IMMP2L: variants seen among roughly 807,000 people sequenced by gnomAD.
IMMP2L encodes the protein mitochondrial inner membrane protease subunit 2.
Under a neutral mutation model 19.3 loss-of-function variants are expected in IMMP2L, and 18 were observed. The observed-to-expected ratio is 0.93, with a 90% CI of 0.64 to 1.38. The LOEUF is 1.38. IMMP2L is among the 40% of genes most tolerant of loss of function. The pLI, the probability that IMMP2L is intolerant of heterozygous loss-of-function variation, is 0.00. For synonymous variants in IMMP2L, 76 were observed against 73.0 expected (o/e 1.04, Z -0.21); for missense variants, 233 against 218.2 (o/e 1.07, Z -0.43).
At chr7:111,377,340 C>T (rs1830767932) in intron 3 of IMMP2L, among the ~76,000 whole-genome samples, 1 of 151,756 alleles carries the variant, frequency 6.6e-6, no homozygotes, top group Non-Finnish European at 1.5e-5. Flanking sequence ...GTATAGTATC[C>T]TTCTATAGTA....
intron 5 of IMMP2L, among the ~76,000 whole-genome samples, chr7:110,804,110 CTA>C (rs1372123471): frequency 6.6e-6 from 1 of 151,976 alleles, no homozygotes; most frequent in Non-Finnish European, 1.5e-5. Context: ...TGTAAACACT[CTA>C]AAAAGAAATG....
chr7:111,242,844 T>C (rs766769964), intron 3 of IMMP2L, among the ~76,000 whole-genome samples: 3 of 152,032 alleles, frequency 2.0e-5, no homozygotes, highest in Non-Finnish European at 4.4e-5. Flanking sequence ...CTCAACTAAT[T>C]AAGATTTTGG....
intron 3 of IMMP2L, among the ~76,000 whole-genome samples, chr7:111,272,908 G>C (rs1818621662): frequency 1.3e-5 from 2 of 152,126 alleles, no homozygotes; most frequent in Admixed American, 1.3e-4. Context: ...TTAGCTAACT[G>C]ATCTAGATGT....
In IMMP2L at chr7:110,942,694, T is replaced by G. The variant is rs1387782893; in HGVS notation, c.305+20806A>C. ...CCACCAAGAAATCCAAAACCAACATTTGGCATGAGCAGATTTTTGTTCTTC... is the reference window on the plus strand; with the variant it reads ...CCACCAAGAAATCCAAAACCAACATGTGGCATGAGCAGATTTTTGTTCTTC... On this transcript the variant is annotated intron_variant, in intron 4 of 5. Transcript: ENST00000405709. Among the ~76,000 whole-genome samples, 4 of 151,722 alleles carry G rather than the reference T, an allele frequency of 2.6e-5. No homozygotes were observed. In the East Asian group the frequency reaches 5.8e-4, roughly 22 times the overall value.
chr7:110,874,294 C>T (rs1349266402), intron 5 of IMMP2L, among the ~76,000 whole-genome samples: 1 of 152,104 alleles, frequency 6.6e-6, no homozygotes, highest in South Asian at 2.1e-4. Context: ...AATAATATAT[C>T]AATTTTGGGT....
At chr7:110,681,221 G>A (rs1165058246) in intron 5 of IMMP2L, among the ~76,000 whole-genome samples, 3 of 152,082 alleles carry the variant, frequency 2.0e-5, no homozygotes, top group Non-Finnish European at 4.4e-5. Flanking sequence ...CACTCAGTTA[G>A]CTAGAGATGG....
intron 3 of IMMP2L, among the ~76,000 whole-genome samples, chr7:111,385,625 G>A (rs574093963): frequency 6.6e-6 from 1 of 152,180 alleles, no homozygotes; most frequent in Non-Finnish European, 1.5e-5. Context: ...CAGATGTCCT[G>A]AGTGGTTCAT....
chr7:110,908,919 T>C (rs769139631), intron 4 of IMMP2L, among the ~76,000 whole-genome samples: 9 of 152,196 alleles, frequency 5.9e-5, no homozygotes, highest in Non-Finnish European at 1.0e-4. Flanking sequence ...TTAAATTTAG[T>C]AGGAAAGATA....
intron 3 of IMMP2L, among the ~76,000 whole-genome samples, chr7:111,074,001 T>TA: frequency 6.6e-6 from 1 of 152,320 alleles, no homozygotes; most frequent in Non-Finnish European, 1.5e-5. Context: ...CAAGCTCTAA[T>TA]ATCTGACCAT....
chr7:110,878,491 T>C (rs2129544638), intron 5 of IMMP2L, among the ~76,000 whole-genome samples: 1 of 152,204 alleles, frequency 6.6e-6, no homozygotes, highest in African/African-American at 2.4e-5. Context: ...CAAAAAATCT[T>C]TTGGAAAGAC....
At chr7:111,546,094 C>G (rs910313132) in intron 1 of IMMP2L, among the ~76,000 whole-genome samples, 1 of 151,976 alleles carries the variant, frequency 6.6e-6, no homozygotes, top group Admixed American at 6.6e-5. Context: ...ATTATATATA[C>G]TATAATTTAT....
At chr7:111,145,131 A>T (rs1195494603) in intron 3 of IMMP2L, among the ~76,000 whole-genome samples, 2 of 152,096 alleles carry the variant, frequency 1.3e-5, no homozygotes, top group African/African-American at 4.8e-5. Context: ...TGGCTGGAGG[A>T]GAGGAAACTA....
intron 5 of IMMP2L, among the ~76,000 whole-genome samples, chr7:110,700,977 C>A (rs1794245755): frequency 6.6e-6 from 1 of 152,022 alleles, no homozygotes; most frequent in African/African-American, 2.4e-5. Flanking sequence ...TTTGCAACAG[C>A]TTTTTCAAAA....
chr7:111,521,656 A>C (rs926644411), intron 1 of IMMP2L, among the ~76,000 whole-genome samples: 1 of 152,166 alleles, frequency 6.6e-6, no homozygotes. Flanking sequence ...ATGCTTTTCC[A>C]CAACTCAAGT....
At chr7:111,057,692 A>T (rs1324184470) in intron 3 of IMMP2L, among the ~76,000 whole-genome samples, 7 of 152,230 alleles carry the variant, frequency 4.6e-5, no homozygotes, top group African/African-American at 1.4e-4. Context: ...TATGAGGAAT[A>T]GGCCTAACCC....
At chr7:111,406,347 C>A (rs1833900665) in intron 3 of IMMP2L, among the ~76,000 whole-genome samples, 1 of 152,032 alleles carries the variant, frequency 6.6e-6, no homozygotes, top group South Asian at 2.1e-4. Context: ...TCCAATGCTA[C>A]CACCCTAACT....
At chr7:111,010,914 T>C (rs1308233162) in intron 3 of IMMP2L, among the ~76,000 whole-genome samples, 3 of 150,744 alleles carry the variant, frequency 2.0e-5, no homozygotes, top group African/African-American at 7.3e-5. Flanking sequence ...CAAAGTTTAC[T>C]GCTTAATGAG....
intron 5 of IMMP2L, among the ~76,000 whole-genome samples, chr7:110,695,693 C>T (rs2130587282): frequency 1.3e-5 from 2 of 152,222 alleles, no homozygotes; most frequent in East Asian, 3.9e-4. Flanking sequence ...CAGCCCAAAC[C>T]TCAGGGCAGC....
At chr7:111,145,339 T>C (rs189143740) in intron 3 of IMMP2L, among the ~76,000 whole-genome samples, 227 of 152,190 alleles carry the variant, frequency 1.5e-3, no homozygotes, top group African/African-American at 5.1e-3. Flanking sequence ...TACTTGTCAC[T>C]GTATAGGCTG....
Sources: gnomAD v4.1 joint callset for allele counts (sites outside exome capture counted in the v4.1 genomes callset) on GRCh38, gnomAD v4.1.1 for gene constraint, MANE v1.5 for transcripts, NCBI Gene and HGNC (gene_info 2026-07-23, HGNC 2026-07-21) for gene names.